UBE2R2: variants seen among roughly 807,000 people sequenced by gnomAD.
The protein encoded by UBE2R2 is ubiquitin conjugating enzyme E2 R2, also known as ubiquitin-conjugating enzyme E2 R2.
UBE2R2 carries 1 observed loss-of-function variant against 27.8 expected under a neutral mutation model. The observed-to-expected ratio is 0.04, with a 90% CI of 0.01 to 0.17. UBE2R2 has a LOEUF of 0.17. Among genes scored for constraint, UBE2R2 ranks in the 10% least tolerant of loss-of-function variants. The probability of loss-of-function intolerance (pLI) is 1.00; values close to 1 mark genes in which losing one functional copy is unlikely to be tolerated. For missense variants in UBE2R2, 100 were observed against 291.0 expected (o/e 0.34, Z 4.78); for synonymous variants, 106 against 113.3 (o/e 0.94, Z 0.41).
chr9:33,898,645 A>G (rs1382428428), intron 2 of UBE2R2, among the ~76,000 whole-genome samples: 5 of 152,182 alleles, frequency 3.3e-5, no homozygotes, highest in Admixed American at 6.5e-5. Context: ...AGTCCCAGCT[A>G]TGGGACTACT....
At chr9:33,880,535 G>A (rs1276643959) in intron 1 of UBE2R2, among the ~76,000 whole-genome samples, 1 of 152,076 alleles carries the variant, frequency 6.6e-6, no homozygotes, top group South Asian at 2.1e-4. Context: ...GATGTTGTAC[G>A]TTCCAGAATA....
intron 1 of UBE2R2, among the ~76,000 whole-genome samples, chr9:33,837,154 C>T (rs187349992): frequency 6.6e-6 from 1 of 152,208 alleles, no homozygotes; most frequent in East Asian, 1.9e-4. Flanking sequence ...TTGGGGAGCA[C>T]CCATTATCTG....
At chr9:33,843,551 T>C (rs1820776671) in intron 1 of UBE2R2, among the ~76,000 whole-genome samples, 1 of 152,022 alleles carries the variant, frequency 6.6e-6, no homozygotes, top group Non-Finnish European at 1.5e-5. Context: ...TGATCTCAGC[T>C]CACTGCAACC....
intron 2 of UBE2R2, among the ~76,000 whole-genome samples, chr9:33,888,937 T>C (rs568532103): frequency 6.6e-6 from 1 of 152,376 alleles, no homozygotes; most frequent in South Asian, 2.1e-4. Context: ...CTGTTTCTTA[T>C]GTAAGATATC....
intron 1 of UBE2R2, among the ~76,000 whole-genome samples, chr9:33,845,852 AC>A (rs1820832935): frequency 6.6e-6 from 1 of 151,970 alleles, no homozygotes; most frequent in South Asian, 2.1e-4. Context: ...TACTAAAAAT[AC>A]AAAAATTGGC....
chr9:33,851,212 G>A (rs543815787), intron 1 of UBE2R2, among the ~76,000 whole-genome samples: 91 of 149,688 alleles, frequency 6.1e-4, no homozygotes, highest in African/African-American at 1.9e-3. Context: ...CAAATTCAAA[G>A]AACTATTTTC....
At chr9:33,855,140 T>C (rs10971738) in intron 1 of UBE2R2, among the ~76,000 whole-genome samples, 31,904 of 152,196 alleles carry the variant, frequency 0.21, 4,222 homozygotes, top group East Asian at 0.6. Flanking sequence ...TTGTTTGTTA[T>C]GGTTGTATCT....
upstream of UBE2R2, among the ~76,000 whole-genome samples, chr9:33,815,288 G>T (rs562742245): frequency 1.8e-3 from 272 of 152,264 alleles, 1 homozygote; most frequent in African/African-American, 6.3e-3. Context: ...AAGGTCAGTA[G>T]GTAAAAATTA....
chr9:33,830,149 A>C (rs1048523051), intron 1 of UBE2R2, among the ~76,000 whole-genome samples: 1 of 139,862 alleles, frequency 7.1e-6, no homozygotes, highest in African/African-American at 2.6e-5. Flanking sequence ...TGGATTTCCA[A>C]GTTTCATAAT....
At chr9:33,881,667 T>C (rs1343363337) in intron 1 of UBE2R2, among the ~76,000 whole-genome samples, 1 of 152,198 alleles carries the variant, frequency 6.6e-6, no homozygotes, top group Non-Finnish European at 1.5e-5. Context: ...ATCTGATGTT[T>C]TTCTCATGAC....
intron 1 of UBE2R2, among the ~76,000 whole-genome samples, chr9:33,886,653 TA>T (rs11404304): frequency 0.012 from 1,456 of 118,680 alleles, 13 homozygotes; most frequent in South Asian, 0.018. Flanking sequence ...GACTCCGTCT[TA>T]AAAAAAAAAA....
chr9:33,848,233 T>G (rs1220814455), intron 1 of UBE2R2, among the ~76,000 whole-genome samples: 1 of 152,224 alleles, frequency 6.6e-6, no homozygotes, highest in Non-Finnish European at 1.5e-5. Flanking sequence ...TCTATTTTCT[T>G]TTAATATACT....
chr9:33,891,278 A>G (rs1821981030), intron 2 of UBE2R2, among the ~76,000 whole-genome samples: 2 of 151,560 alleles, frequency 1.3e-5, no homozygotes, highest in Admixed American at 6.6e-5. Context: ...TGACTTCGTG[A>G]TCCACCTGCC....
chr9:33,905,996 T>A (rs1214714190), intron 3 of UBE2R2, among the ~76,000 whole-genome samples: 2 of 152,194 alleles, frequency 1.3e-5, no homozygotes, highest in Non-Finnish European at 2.9e-5. Flanking sequence ...AATATCTAAA[T>A]CAATCTGCGT....
At position 33,919,970 on chromosome 9, in the gene UBE2R2, G is replaced by T. The variant is rs1386442104; in HGVS notation, c.*2733G>T. On this transcript the variant is annotated 3_prime_UTR_variant, in exon 5 of 5. Coordinates refer to ENST00000263228, the MANE Select transcript of UBE2R2 (RefSeq NM_017811.4). ...CCTTCTCCTTTTATCAATCATTCCA[G>T]AGTTATTTTCTATTAGTCAAACTTT... is the stretch of plus-strand genomic sequence containing the variant. 2 of 152,076 alleles carry T rather than the reference G, an allele frequency of 1.3e-5. No homozygotes were observed. Among genetic ancestry groups the T allele is most frequent in the Non-Finnish European group, 2.9e-5 (2 of 68,018 alleles). 9.4% of individuals were successfully genotyped at this position (152,076 alleles called of 1,614,324 possible).
intron 4 of UBE2R2, among the ~76,000 whole-genome samples, chr9:33,912,438 A>C (rs1224959165): frequency 2.0e-5 from 3 of 152,056 alleles, no homozygotes; most frequent in African/African-American, 7.2e-5. Flanking sequence ...CGGCTGGCCA[A>C]CATGGTGAAA....
intron 1 of UBE2R2, among the ~76,000 whole-genome samples, chr9:33,834,171 A>G (rs1820559762): frequency 1.3e-5 from 2 of 149,030 alleles, no homozygotes; most frequent in South Asian, 4.3e-4. Context: ...GTTTAGGTGT[A>G]GTGACGGATT....
chr9:33,900,388 T>C, intron 3 of UBE2R2, 117 bp downstream of exon 3: 1 of 667,630 alleles, frequency 1.5e-6, no homozygotes, highest in Middle Eastern at 3.0e-4. Flanking sequence ...TTATATTCAG[T>C]TTCTTTGTCT....
At chr9:33,845,422 A>G (rs1008890341) in intron 1 of UBE2R2, among the ~76,000 whole-genome samples, 1 of 149,750 alleles carries the variant, frequency 6.7e-6, no homozygotes, top group African/African-American at 2.5e-5. Context: ...CATTTTTTCT[A>G]TTTTTTTAGT....
Sources: gnomAD v4.1 joint callset for allele counts (sites outside exome capture counted in the v4.1 genomes callset) on GRCh38, gnomAD v4.1.1 for gene constraint, MANE v1.5 for transcripts, NCBI Gene and HGNC (gene_info 2026-07-23, HGNC 2026-07-21) for gene names.